NDUFA5: variants seen among roughly 807,000 people sequenced by gnomAD.
The protein encoded by NDUFA5 is NADH dehydrogenase [ubiquinone] 1 alpha subcomplex subunit 5.
A neutral mutation model predicts 19.8 loss-of-function variants in NDUFA5; 11 were observed. The observed-to-expected ratio is 0.56, with a 90% CI of 0.35 to 0.92. NDUFA5 has a LOEUF of 0.92. Among genes scored for constraint, NDUFA5 ranks in the 40% least tolerant of loss-of-function variants. The probability of loss-of-function intolerance (pLI) is 0.01; values close to 1 mark genes in which losing one functional copy is unlikely to be tolerated. For missense variants in NDUFA5, 109 were observed against 134.2 expected (o/e 0.81, Z 0.93); for synonymous variants, 47 against 46.8 (o/e 1.00, Z -0.01).
upstream of NDUFA5, among the ~76,000 whole-genome samples, chr7:123,560,526 C>G (rs1229536383): frequency 6.6e-6 from 1 of 152,216 alleles, no homozygotes; most frequent in Admixed American, 6.5e-5. Context: ...GCTGCCATAA[C>G]AAAATACTAT....
the NDUFA5 span, among the ~76,000 whole-genome samples, chr7:123,576,587 C>T: frequency 6.6e-6 from 1 of 152,246 alleles, no homozygotes; most frequent in Non-Finnish European, 1.5e-5. Context: ...AGCTGTCACT[C>T]ATCTATGGGA....
At chr7:123,583,057 C>T in the NDUFA5 span, among the ~76,000 whole-genome samples, 5 of 151,854 alleles carry the variant, frequency 3.3e-5, no homozygotes, top group Admixed American at 6.6e-5. Flanking sequence ...GAATTTGGAT[C>T]TTTAAAATTA....
chr7:123,555,131 A>C (rs189176651), intron 2 of NDUFA5: 1 of 152,384 alleles, frequency 6.6e-6, no homozygotes, highest in East Asian at 1.9e-4. Flanking sequence ...AGGACACATA[A>C]GGAAATGCAT....
chr7:123,580,116 G>T, the NDUFA5 span, among the ~76,000 whole-genome samples: 1 of 151,982 alleles, frequency 6.6e-6, no homozygotes, highest in African/African-American at 2.4e-5. Context: ...TCTAAATTGG[G>T]TCTTAAATTA....
the NDUFA5 span, among the ~76,000 whole-genome samples, chr7:123,593,478 T>C: frequency 6.6e-6 from 1 of 152,316 alleles, no homozygotes; most frequent in African/African-American, 2.4e-5. Flanking sequence ...TGTGACAAAA[T>C]CTCTCAGCAT....
chr7:123,555,665 C>T (rs1212784308), intron 2 of NDUFA5: 2 of 152,162 alleles, frequency 1.3e-5, no homozygotes, highest in Non-Finnish European at 2.9e-5. Context: ...GTGCAAGACA[C>T]TCATTCAACT....
At chr7:123,557,299 A>T in intron 2 of NDUFA5, 105 bp downstream of exon 2, 1 of 1,520,106 alleles carries the variant, frequency 6.6e-7, no homozygotes, top group Non-Finnish European at 9.0e-7. Flanking sequence ...GCTTGTAATT[A>T]AGGGCTTGAA....
intron 4 of NDUFA5, among the ~76,000 whole-genome samples, chr7:123,544,299 G>C (rs1324979371): frequency 2.0e-5 from 3 of 151,978 alleles, no homozygotes; most frequent in African/African-American, 7.3e-5. Context: ...AGGAGTTCGA[G>C]ACCAGCCTGA....
At position 123,537,561 on chromosome 7, in the gene NDUFA5, A is replaced by G. The variant is rs576769416; in HGVS notation, c.*4558T>C. On this transcript the variant is annotated 3_prime_UTR_variant, in exon 5 of 5. Coordinates refer to ENST00000355749, the MANE Select transcript of NDUFA5 (RefSeq NM_005000.5). ...TATACTTTACATTATGTAACACATT[A>G]AGAGGGTCTGAGGAAGCAGTTTAGA... 1 of 152,280 alleles carries G rather than the reference A, an allele frequency of 6.6e-6. No homozygotes were observed. Among genetic ancestry groups the G allele is most frequent in the Non-Finnish European group, 1.5e-5 (1 of 68,000 alleles). The allele number at this position is 152,280 out of a possible 1,614,324, so 9.4% of individuals were successfully genotyped here.
intron 1 of NDUFA5, 23 bp from the exon 2 acceptor site, chr7:123,557,471 T>C (rs758361024): frequency 6.2e-7 from 1 of 1,612,700 alleles, no homozygotes; most frequent in African/African-American, 1.3e-5. Context: ...AAAACACGAT[T>C]CATGCTGTTT....
intron 3 of NDUFA5, among the ~76,000 whole-genome samples, chr7:123,547,790 T>C (rs1562894483): frequency 6.6e-6 from 1 of 152,156 alleles, no homozygotes; most frequent in Admixed American, 6.5e-5. Flanking sequence ...TTACCGATAG[T>C]GAATAATGTG....
chr7:123,583,304 T>G, the NDUFA5 span, among the ~76,000 whole-genome samples: 22 of 152,100 alleles, frequency 1.4e-4, no homozygotes, highest in African/African-American at 3.9e-4. Context: ...GAGCTATTTT[T>G]GGGCCTAATT....
intron 2 of NDUFA5, chr7:123,556,894 G>A (rs752249315): frequency 2.0e-6 from 1 of 512,392 alleles, no homozygotes; most frequent in South Asian, 1.4e-5. Flanking sequence ...TAACTCTTTT[G>A]AGTTATCTGT....
the NDUFA5 span, among the ~76,000 whole-genome samples, chr7:123,583,005 C>G: frequency 6.6e-6 from 1 of 152,018 alleles, no homozygotes; most frequent in African/African-American, 2.4e-5. Context: ...ATTTTTATAG[C>G]AGGCAAAGAG....
At chr7:123,597,917 C>CAT in the NDUFA5 span, among the ~76,000 whole-genome samples, 5 of 133,072 alleles carry the variant, frequency 3.8e-5, no homozygotes, top group African/African-American at 5.8e-5. Flanking sequence ...TTTCAAACTT[C>CAT]GTGTGTGTGT....
At chr7:123,552,199 A>G (rs550593936) in intron 2 of NDUFA5, among the ~76,000 whole-genome samples, 1 of 151,992 alleles carries the variant, frequency 6.6e-6, no homozygotes. Flanking sequence ...AAATGTGTGC[A>G]GTCCTCACTA....
rs946871388 is a variant in NDUFA5 at position 123,537,726 on chromosome 7, T to C, written c.*4393A>G. The C allele has an allele frequency of 1.3e-5, 2 of 152,158 alleles. No homozygotes were observed. The highest frequency in any genetic ancestry group is 4.8e-5 in the African/African-American group (2 of 41,438). 9.4% of individuals were successfully genotyped at this position (152,158 alleles called of 1,614,324 possible). ...GAAAAAACTTTGTTTTCAGAGATTTTTGAAATTAGGAATTTAGATAAGGGA... is the reference window on the plus strand; with the variant it reads ...GAAAAAACTTTGTTTTCAGAGATTTCTGAAATTAGGAATTTAGATAAGGGA... On this transcript the variant is annotated 3_prime_UTR_variant, in exon 5 of 5. Transcript: ENST00000355749.
chr7:123,569,458 G>C, the NDUFA5 span, among the ~76,000 whole-genome samples: 1 of 152,176 alleles, frequency 6.6e-6, no homozygotes, highest in Admixed American at 6.5e-5. Context: ...GTGGGTGGTG[G>C]TGTGTGATCC....
rs1798554300 is a variant in NDUFA5, at chr7:123,556,609, A to AGCCCAGTAAAGAAAGCGCATGATGG, written c.66+794_66+795insCCATCATGCGCTTTCTTTACTGGGC. 33 of 232,426 alleles carry AGCCCAGTAAAGAAAGCGCATGATGG rather than the reference A, an allele frequency of 1.4e-4. No homozygotes were observed. In the South Asian group the frequency reaches 1.7e-3, roughly 12 times the overall value. 14.4% of individuals were successfully genotyped at this position (232,426 alleles called of 1,614,324 possible). On this transcript the variant is annotated intron_variant, in intron 2 of 4. Transcript: ENST00000355749. ...GATGGAAAAAGTGTCAAATGTGTCAAAAAAAAAAAAACGCTGCTATTAGGT... is the reference window on the plus strand; with the variant it reads ...GATGGAAAAAGTGTCAAATGTGTCAAGCCCAGTAAAGAAAGCGCATGATGGAAAAAAAAAAACGCTGCTATTAGGT...
Sources: gnomAD v4.1 joint callset for allele counts (sites outside exome capture counted in the v4.1 genomes callset) on GRCh38, gnomAD v4.1.1 for gene constraint, MANE v1.5 for transcripts, NCBI Gene and HGNC (gene_info 2026-07-23, HGNC 2026-07-21) for gene names.